Variants in SNX15 observed in about 807,000 individuals in gnomAD.
The protein encoded by SNX15 is sorting nexin 15, also known as sorting nexin-15.
Under a neutral mutation model 35.2 loss-of-function variants are expected in SNX15, and 29 were observed. That is an observed-to-expected ratio of 0.82 (90% CI 0.61 to 1.12). The LOEUF is 1.12. Among genes scored for constraint, SNX15 ranks in the 50% most tolerant of loss-of-function variants. The pLI is 0.00. For synonymous variants in SNX15, 189 were observed against 188.2 expected, an observed-to-expected ratio of 1.00 and a Z score of -0.03; for missense variants, 400 against 451.5, an observed-to-expected ratio of 0.89 and a Z score of 1.03.
Position 65,039,865 on chromosome 11 carries a change from C to T in SNX15, c.*73C>T. Reference sequence around the variant, plus strand: ...CCTTCTCCTCTCCCCAGGGCCTGGCCCTACCTCCTGGTCTTGTAATTACAG... The same window carrying T: ...CCTTCTCCTCTCCCCAGGGCCTGGCTCTACCTCCTGGTCTTGTAATTACAG... On this transcript the variant is annotated 3_prime_UTR_variant, in exon 8 of 8. Coordinates refer to ENST00000377244, the MANE Select transcript of SNX15 (RefSeq NM_013306.5). The T allele has an allele frequency of 1.0e-6, 1 of 988,924 alleles. No homozygotes were observed. The highest frequency in any genetic ancestry group is 1.4e-5 in the South Asian group (1 of 70,322). 61.3% of individuals were successfully genotyped at this position (988,924 alleles called of 1,614,324 possible).
At chr11:65,031,766 G>A (rs1185950276) in intron 1 of SNX15, among the ~76,000 whole-genome samples, 2 of 152,174 alleles carry the variant, frequency 1.3e-5, no homozygotes, top group African/African-American at 4.8e-5. Context: ...TAGCAAGCGT[G>A]GTGGTGCATG....
At chr11:65,029,828 C>T (rs1006914157) in intron 1 of SNX15, among the ~76,000 whole-genome samples, 2 of 151,844 alleles carry the variant, frequency 1.3e-5, no homozygotes, top group African/African-American at 2.4e-5. Flanking sequence ...CCTCCCACCT[C>T]GGCCTTCCCA....
At chr11:65,030,501 ATTTTTT>A (rs1225099649) in intron 1 of SNX15, among the ~76,000 whole-genome samples, 1 of 131,902 alleles carries the variant, frequency 7.6e-6, no homozygotes, top group East Asian at 2.2e-4. Context: ...CTGGCCTATA[ATTTTTT>A]TTTTTTTTTT....
At position 65,028,560 on chromosome 11, in the gene SNX15, A is replaced by C. The variant is rs909893138; in HGVS notation, c.99+924A>C. Among the ~76,000 whole-genome samples the C allele has an allele frequency of 1.3e-4, 20 of 152,200 alleles. No homozygotes were observed. In the East Asian group the frequency reaches 3.9e-3, roughly 29 times the overall value. ...CAAATAAGGCCGGGCTCAGTGGCTC[A>C]TGCCTGTAAATCCCAGCACTTTGGG... On this transcript the variant is annotated intron_variant, in intron 1 of 7. Transcript: ENST00000377244.
chr11:65,038,354 G>A (rs1238323647), intron 6 of SNX15: 2 of 1,177,798 alleles, frequency 1.7e-6, no homozygotes, highest in African/African-American at 3.2e-5. Flanking sequence ...ACATAATTAG[G>A]AAGGTAAGGC....
chr11:65,038,136 C>T (rs1004249216), intron 6 of SNX15: 1 of 391,506 alleles, frequency 2.6e-6, no homozygotes, highest in African/African-American at 2.2e-5. Context: ...AACTGCAAGG[C>T]TTCAGAAAAC....
In SNX15 at chr11:65,034,922, C is replaced by G. The variant is rs200351503; in HGVS notation, c.332C>G (p.Pro111Arg). ...CTGCTTCGCTTCACTGTGCACATAC[C>G]TGCGCTCAACAACAGCCCCCAGCTC... ...EDLLRFTVHI[P>R]ALNNSPQLKE... Residue 111 changes from proline (P) to arginine (R), a missense_variant, in exon 4 of 8, where the codon CCT becomes CGT. By Grantham distance (103) the Pro-to-Arg change is moderately radical. Coordinates refer to ENST00000377244, the MANE Select transcript of SNX15 (RefSeq NM_013306.5). 82 of 1,613,974 alleles carry G rather than the reference C, an allele frequency of 5.1e-5. No homozygotes were observed. Among genetic ancestry groups the G allele is most frequent in the Non-Finnish European group, 6.1e-5 (72 of 1,179,972 alleles).
At chr11:65,027,783 G>A (rs1297042663) in intron 1 of SNX15, 147 bp downstream of exon 1, 1 of 620,580 alleles carries the variant, frequency 1.6e-6, no homozygotes, top group Non-Finnish European at 2.8e-6. Context: ...ACGAGGCTTA[G>A]TTTACATCTT....
chr11:65,027,708 G>A, intron 1 of SNX15, 72 bp downstream of exon 1: 4 of 1,158,706 alleles, frequency 3.5e-6, no homozygotes, highest in Non-Finnish European at 5.2e-6. Flanking sequence ...AAGGAAAGGC[G>A]GTGCAGCCAC....
Position 65,039,825 on chromosome 11 carries a change from C to A in SNX15, c.*33C>A. ...TGGGCCATTCCCTGGGACTCTCGCT[C>A]CTGCACTGCCAGCCCCTTCTCCTCT... On this transcript the variant is annotated 3_prime_UTR_variant, in exon 8 of 8. Coordinates refer to ENST00000377244, the MANE Select transcript of SNX15 (RefSeq NM_013306.5). The A allele has an allele frequency of 7.1e-7, 1 of 1,415,156 alleles. No individual in the cohort carries two copies. The highest frequency in any genetic ancestry group is 9.9e-7 in the Non-Finnish European group (1 of 1,010,788). The allele number at this position is 1,415,156 out of a possible 1,614,324, so 87.7% of individuals were successfully genotyped here. A position where few individuals can be genotyped will look rare whatever the true frequency, so the allele number is the denominator to read the frequency against.
Position 65,032,422 on chromosome 11 carries a change from A to C in SNX15, c.136-9A>C, listed in dbSNP as rs678614. ...TGCTGGTTCTGGGCAAGTCTCATGTACCTCATAGGTGGTGGTCTGGAAGCG... is the reference window on the plus strand; with the variant it reads ...TGCTGGTTCTGGGCAAGTCTCATGTCCCTCATAGGTGGTGGTCTGGAAGCG... On this transcript the variant is annotated splice_polypyrimidine_tract_variant and intron_variant, in intron 2 of 7. Transcript: ENST00000377244. The C allele has an allele frequency of 0.7, 1,123,749 of 1,613,598 alleles. 397,788 individuals carry two copies. Among genetic ancestry groups the C allele is most frequent in the Middle Eastern group, 0.73 (4,454 of 6,060 alleles).
chr11:65,030,223 C>T (rs544766058), intron 1 of SNX15, among the ~76,000 whole-genome samples: 2 of 151,748 alleles, frequency 1.3e-5, no homozygotes, highest in African/African-American at 4.8e-5. Context: ...GGCATGGTGG[C>T]GCTCACCTGT....
rs948564695 is a variant in SNX15 at position 65,040,071 on chromosome 11, G to A, written c.*279G>A. The A allele has an allele frequency of 2.9e-5, 9 of 308,534 alleles. No individual in the cohort carries two copies. Among genetic ancestry groups the A allele is most frequent in the Middle Eastern group, 1.8e-3 (2 of 1,088 alleles). 19.1% of individuals were successfully genotyped at this position (308,534 alleles called of 1,614,324 possible). A position where few individuals can be genotyped will look rare whatever the true frequency, so the allele number is the denominator to read the frequency against. ...GACTGGAGTGCAGTGGTGGGATCGCGGCTCACTGCAACCTCCACCTCCCAG... is the reference window on the plus strand; with the variant it reads ...GACTGGAGTGCAGTGGTGGGATCGCAGCTCACTGCAACCTCCACCTCCCAG... On this transcript the variant is annotated 3_prime_UTR_variant, in exon 8 of 8. Transcript: ENST00000377244.
In SNX15 at chr11:65,027,653, C is replaced by T. The variant is rs1167358454; in HGVS notation, c.99+17C>T. 10 of 1,593,024 alleles carry T rather than the reference C, an allele frequency of 6.3e-6. No individual in the cohort carries two copies. The highest frequency in any genetic ancestry group is 2.2e-5 in the South Asian group (2 of 90,666). Reference sequence around the variant, plus strand: ...ACCGCGCAGGTGAGGTGGGGCCCAGCGCGTACTTTACCCTTTTAACTAGAG... The same window carrying T: ...ACCGCGCAGGTGAGGTGGGGCCCAGTGCGTACTTTACCCTTTTAACTAGAG... On this transcript the variant is annotated intron_variant, in intron 1 of 7. Transcript: ENST00000377244.
rs1590740857 is a variant in SNX15, at chr11:65,034,973, C to T, written c.372+11C>T. ...AAGGAGTTCTTCCGGGTATGTGCAC[C>T]TTCCACCTTCCCAGAACTTGGGCCA... On this transcript the variant is annotated intron_variant, in intron 4 of 7. Transcript: ENST00000377244. The T allele has an allele frequency of 6.2e-7, 1 of 1,613,332 alleles. No individual in the cohort carries two copies. The highest frequency in any genetic ancestry group is 2.2e-5 in the East Asian group (1 of 44,884).
At chr11:65,029,265 T>G (rs1946412568) in intron 1 of SNX15, among the ~76,000 whole-genome samples, 1 of 151,354 alleles carries the variant, frequency 6.6e-6, no homozygotes, top group South Asian at 2.1e-4. Context: ...GTTCAGATTC[T>G]CCCACCTCAA....
intron 1 of SNX15, 89 bp downstream of exon 1, chr11:65,027,725 CTTT>C (rs766268781): frequency 8.5e-6 from 8 of 945,328 alleles, no homozygotes; most frequent in Non-Finnish European, 1.4e-5. Context: ...CCACTGCTCC[CTTT>C]TTAGACGACA....
In SNX15 at chr11:65,038,836, A is replaced by G. The variant is rs773266424; in HGVS notation, c.922+7A>G. The stretch of plus-strand genomic sequence containing the variant: ...TTGCTTCAGGGAGTCCCCAGTGAGT[A>G]GGGACTGAGGGTGGAGGGTCAGGCC... On this transcript the variant is annotated splice_region_variant and intron_variant, in intron 7 of 7. Transcript: ENST00000377244. 20 of 1,556,218 alleles carry G rather than the reference A, an allele frequency of 1.3e-5. No homozygotes were observed. The South Asian group carries it at 2.2e-4, about 17-fold the overall frequency.
At chr11:65,032,951 C>G (rs543415924) in intron 3 of SNX15, among the ~76,000 whole-genome samples, 1 of 152,310 alleles carries the variant, frequency 6.6e-6, no homozygotes, top group African/African-American at 2.4e-5. Flanking sequence ...TCTTGGCTCA[C>G]TGCAACCTCC....
Sources: allele counts gnomAD v4.1 joint callset (sites outside exome capture counted in the v4.1 genomes callset), GRCh38; gene constraint gnomAD v4.1.1; transcripts MANE v1.5; gene names NCBI Gene and HGNC (gene_info 2026-07-23, HGNC 2026-07-21).